DOCK3: variants seen among roughly 807,000 people sequenced by gnomAD.
DOCK3 encodes the protein dedicator of cytokinesis protein 3.
Under a neutral mutation model 265.6 loss-of-function variants are expected in DOCK3, and 60 were observed. The ratio of observed to expected loss-of-function variants is 0.23; its 90% CI spans 0.18 to 0.28. The LOEUF (loss-of-function observed/expected upper bound fraction) is 0.28. DOCK3 is among the 10% of genes least tolerant of loss of function. The pLI, the probability that DOCK3 is intolerant of heterozygous loss-of-function variation, is 1.00. For synonymous variants in DOCK3, 881 were observed against 938.0 expected (o/e 0.94, Z 1.11); for missense variants, 1,981 against 2,594.3 (o/e 0.76, Z 5.14).
intron 5 of DOCK3, among the ~76,000 whole-genome samples, chr3:51,028,539 T>A (rs1264523375): frequency 2.6e-5 from 4 of 152,228 alleles, no homozygotes; most frequent in Admixed American, 2.6e-4. Context: ...TTTCTGTTTT[T>A]TTCTCTCAGA....
intron 12 of DOCK3, 149 bp downstream of exon 12, chr3:51,160,851 C>A: frequency 1.1e-6 from 1 of 945,754 alleles, no homozygotes; most frequent in Non-Finnish European, 1.5e-6. Flanking sequence ...CCAAGGTGGG[C>A]AAATCACAAG....
Position 50,978,443 on chromosome 3 carries a change from C to G in DOCK3, c.315+44366C>G, listed in dbSNP as rs541853471. On this transcript the variant is annotated intron_variant, in intron 5 of 52. Coordinates refer to ENST00000266037, the MANE Select transcript of DOCK3 (RefSeq NM_004947.5). ...GTGCCCCTGCTGGGGGGGTGCCTCC[C>G]AGTTAGGCTGCTCGGGGGTCAGGTG... Among the ~76,000 whole-genome samples, 101 of 152,278 alleles carry G rather than the reference C, an allele frequency of 6.6e-4. No homozygotes were observed. The South Asian group carries it at 0.012, about 18-fold the overall frequency.
chr3:50,736,558 A>G (rs920327151), intron 1 of DOCK3, among the ~76,000 whole-genome samples: 1 of 152,090 alleles, frequency 6.6e-6, no homozygotes, highest in Non-Finnish European at 1.5e-5. Flanking sequence ...CCTCTCCAGC[A>G]TCTGTTGTTT....
At chr3:51,305,294 A>G (rs1463039716) in intron 27 of DOCK3, among the ~76,000 whole-genome samples, 1 of 152,130 alleles carries the variant, frequency 6.6e-6, no homozygotes, top group Non-Finnish European at 1.5e-5. Flanking sequence ...TGACCCCTTT[A>G]TCATTATAAA....
At chr3:51,011,293 T>A (rs141642757) in intron 5 of DOCK3, among the ~76,000 whole-genome samples, 4 of 152,320 alleles carry the variant, frequency 2.6e-5, no homozygotes, top group East Asian at 1.9e-4. Context: ...TTACACATAG[T>A]CCCATATTTC....
rs1021459899 is a variant in DOCK3 at position 50,958,279 on chromosome 3, A to G, written c.315+24202A>G. ...GCTGCACCTTCAGTTCTCATTCTGT[A>G]TTCATTGTCCCTGCTTGCTCAGTCT... On this transcript the variant is annotated intron_variant, in intron 5 of 52. Transcript: ENST00000266037. Among the ~76,000 whole-genome samples, 8 of 152,304 alleles carry G rather than the reference A, an allele frequency of 5.3e-5. No individual in the cohort carries two copies. The East Asian group carries it at 1.5e-3, about 29-fold the overall frequency.
At chr3:50,967,147 T>A (rs1007948211) in intron 5 of DOCK3, among the ~76,000 whole-genome samples, 1 of 152,182 alleles carries the variant, frequency 6.6e-6, no homozygotes, top group Admixed American at 6.5e-5. Flanking sequence ...AACTGTATGT[T>A]TGTACCCATT....
At chr3:51,200,050 A>C (rs2088615075) in intron 12 of DOCK3, among the ~76,000 whole-genome samples, 1 of 152,112 alleles carries the variant, frequency 6.6e-6, no homozygotes, top group Non-Finnish European at 1.5e-5. Flanking sequence ...CCATCATCAA[A>C]GACCAAAAGT....
chr3:51,134,882 T>C (rs1219493558), intron 9 of DOCK3, among the ~76,000 whole-genome samples: 1 of 152,194 alleles, frequency 6.6e-6, no homozygotes, highest in Non-Finnish European at 1.5e-5. Flanking sequence ...CTTTTTCATC[T>C]CAAGCCAGGA....
chr3:50,678,764 C>T (rs1297146495), intron 1 of DOCK3, among the ~76,000 whole-genome samples: 1 of 151,904 alleles, frequency 6.6e-6, no homozygotes, highest in Admixed American at 6.6e-5. Flanking sequence ...GCAGCAGTCT[C>T]CCAAGTAGCT....
rs559603842 is a variant in DOCK3 at position 50,839,484 on chromosome 3, A to G, written c.122-2191A>G. ...TGAATGAGAGTTCCTTTTGCTTTAC[A>G]TCTTCATCAGCATTTGGTTCGGGAC... On this transcript the variant is annotated intron_variant, in intron 2 of 52. Coordinates refer to ENST00000266037, the MANE Select transcript of DOCK3 (RefSeq NM_004947.5). 1.4e-3 allele frequency among the ~76,000 whole-genome samples: 220 copies of G among 152,258 alleles called. 1 individual carries two copies. The highest frequency in any genetic ancestry group is 7.9e-3 in the East Asian group (41 of 5,178).
chr3:50,775,838 T>A (rs1395287076), intron 1 of DOCK3, among the ~76,000 whole-genome samples: 2 of 43,370 alleles, frequency 4.6e-5, no homozygotes, highest in Non-Finnish European at 1.1e-4. Context: ...GAACATATGG[T>A]ATTTGCTTTC....
intron 12 of DOCK3, among the ~76,000 whole-genome samples, chr3:51,161,014 T>A (rs1397911862): frequency 6.7e-6 from 1 of 148,546 alleles, no homozygotes; most frequent in Non-Finnish European, 1.5e-5. Context: ...AGGCAGAGGT[T>A]GCAGTGAGCT....
intron 5 of DOCK3, among the ~76,000 whole-genome samples, chr3:50,936,443 T>A (rs1228739707): frequency 1.3e-5 from 2 of 151,670 alleles, no homozygotes; most frequent in Non-Finnish European, 2.9e-5. Flanking sequence ...GACATAAGTG[T>A]TTTACATTCG....
chr3:50,886,023 C>T (rs564684370), intron 3 of DOCK3, among the ~76,000 whole-genome samples: 1 of 151,902 alleles, frequency 6.6e-6, no homozygotes, highest in South Asian at 2.1e-4. Context: ...CTGTCTGTTC[C>T]TGTTGGTATT....
chr3:51,108,229 C>A (rs1240096968), intron 9 of DOCK3, among the ~76,000 whole-genome samples: 1 of 152,020 alleles, frequency 6.6e-6, no homozygotes, highest in Non-Finnish European at 1.5e-5. Flanking sequence ...TTTTGCCATG[C>A]TGGTATCATC....
chr3:50,996,696 A>G (rs1449912438), intron 5 of DOCK3, among the ~76,000 whole-genome samples: 1 of 152,174 alleles, frequency 6.6e-6, no homozygotes, highest in Non-Finnish European at 1.5e-5. Context: ...AAAAGAGAAG[A>G]AAAGAGGAAA....
intron 30 of DOCK3, 37 bp from the exon 31 acceptor site, chr3:51,312,807 T>C (rs1219824364): frequency 6.3e-7 from 1 of 1,591,144 alleles, no homozygotes; most frequent in Non-Finnish European, 8.6e-7. Flanking sequence ...CTGAACCTTC[T>C]CCCACTAACG....
chr3:51,117,267 A>G (rs956185412), intron 9 of DOCK3, among the ~76,000 whole-genome samples: 7 of 152,188 alleles, frequency 4.6e-5, no homozygotes, highest in South Asian at 4.2e-4. Context: ...GATTACATTT[A>G]TTTATTTGTG....
Sources: gnomAD v4.1 joint callset for allele counts (sites outside exome capture counted in the v4.1 genomes callset) on GRCh38, gnomAD v4.1.1 for gene constraint, MANE v1.5 for transcripts, NCBI Gene and HGNC (gene_info 2026-07-23, HGNC 2026-07-21) for gene names.